The following EFCAB6 variants were observed in gnomAD, a reference collection of about 807,000 sequenced individuals.
The protein encoded by EFCAB6 is EF-hand calcium binding domain 6, also known as EF-hand calcium-binding domain-containing protein 6.
EFCAB6 carries 156 observed loss-of-function variants against 169.8 expected under a neutral mutation model. The ratio of observed to expected loss-of-function variants is 0.92; its 90% confidence interval spans 0.81 to 1.05. EFCAB6 has a LOEUF of 1.05. Among genes scored for constraint, EFCAB6 ranks in the 50% least tolerant of loss-of-function variants. EFCAB6 has a pLI of 0.00. For missense variants in EFCAB6, 1,800 were observed against 1,829.1 expected (o/e 0.98, Z 0.29); for synonymous variants, 698 against 676.4 (o/e 1.03, Z -0.50).
At chr22:43,644,311 A>G (rs1482861439) in intron 17 of EFCAB6, among the ~76,000 whole-genome samples, 2 of 152,108 alleles carry the variant, frequency 1.3e-5, no homozygotes, top group Non-Finnish European at 2.9e-5. Context: ...CACGCCATCC[A>G]CTGAGGGGTT....
intron 18 of EFCAB6, among the ~76,000 whole-genome samples, chr22:43,633,374 C>A (rs1377350068): frequency 6.6e-5 from 10 of 152,132 alleles, no homozygotes; most frequent in Admixed American, 2.0e-4. Flanking sequence ...ATGGTGAAAC[C>A]CCATCTCTAC....
At chr22:43,605,679 T>G (rs552806306) in intron 22 of EFCAB6, among the ~76,000 whole-genome samples, 77 of 152,058 alleles carry the variant, frequency 5.1e-4, no homozygotes, top group Non-Finnish European at 9.0e-4. Context: ...TGGAAAGAGT[T>G]CTGGAGCTGG....
chr22:43,563,113 A>G (rs920109380), intron 26 of EFCAB6, among the ~76,000 whole-genome samples: 1 of 152,070 alleles, frequency 6.6e-6, no homozygotes, highest in Admixed American at 6.5e-5. Flanking sequence ...AGGCAGCACC[A>G]GTAACCAAGC....
chr22:43,683,421 G>C (rs2058077282), intron 12 of EFCAB6, among the ~76,000 whole-genome samples: 2 of 152,114 alleles, frequency 1.3e-5, no homozygotes, highest in African/African-American at 2.4e-5. Flanking sequence ...ACCAGGTCTG[G>C]GTTGTTTGTT....
chr22:43,553,951 G>A lies in EFCAB6; in HGVS notation c.3648+918C>T, dbSNP rs374514562. 7.5e-4 allele frequency: 115 copies of A among 152,844 alleles called. 1 individual carries two copies. In the South Asian group the frequency reaches 0.022, roughly 29 times the overall value. 9.5% of individuals were successfully genotyped at this position (152,844 alleles called of 1,614,324 possible). ...TGGAGAGGCCCACCAGGGGTGGCATGTACCCAGCATGCTTAGAGCAGCAGC... is the reference window on the plus strand; with the variant it reads ...TGGAGAGGCCCACCAGGGGTGGCATATACCCAGCATGCTTAGAGCAGCAGC... On this transcript the variant is annotated intron_variant, in intron 27 of 31. Coordinates refer to ENST00000262726, the MANE Select transcript of EFCAB6 (RefSeq NM_022785.4).
At chr22:43,616,258 T>G (rs1009455273) in intron 20 of EFCAB6, among the ~76,000 whole-genome samples, 1 of 152,206 alleles carries the variant, frequency 6.6e-6, no homozygotes, top group Non-Finnish European at 1.5e-5. Context: ...GCTAAAAACT[T>G]TTATTTCTGA....
At chr22:43,650,274 A>G (rs927494634) in intron 17 of EFCAB6, among the ~76,000 whole-genome samples, 2 of 152,098 alleles carry the variant, frequency 1.3e-5, no homozygotes, top group African/African-American at 4.8e-5. Context: ...GAATCATGGG[A>G]GGAAGTCTTT....
chr22:43,530,479 C>G, intron 31 of EFCAB6: 1 of 978,096 alleles, frequency 1.0e-6, no homozygotes, highest in Non-Finnish European at 1.2e-6. Flanking sequence ...TGCAGGAGAG[C>G]CCAGGTGTGG....
At chr22:43,673,557 C>G (rs2057587542) in intron 13 of EFCAB6, among the ~76,000 whole-genome samples, 1 of 152,166 alleles carries the variant, frequency 6.6e-6, no homozygotes, top group African/African-American at 2.4e-5. Context: ...GGGCGGAACA[C>G]CTGAGGTCAG....
chr22:43,627,324 T>G (rs1328853957), intron 19 of EFCAB6, among the ~76,000 whole-genome samples: 1 of 152,186 alleles, frequency 6.6e-6, no homozygotes, highest in Non-Finnish European at 1.5e-5. Flanking sequence ...TGATGGAGCG[T>G]GCACTCTGCA....
chr22:43,761,960 G>GT, intron 5 of EFCAB6, among the ~76,000 whole-genome samples: 1 of 152,264 alleles, frequency 6.6e-6, no homozygotes, highest in South Asian at 2.1e-4. Flanking sequence ...CTCTTCATAT[G>GT]TTTTTTAAGA....
intron 30 of EFCAB6, among the ~76,000 whole-genome samples, chr22:43,531,394 A>G (rs1371755670): frequency 6.6e-6 from 1 of 152,232 alleles, no homozygotes; most frequent in Non-Finnish European, 1.5e-5. Context: ...GAGGAAAAAA[A>G]GAGATTTCAG....
At chr22:43,799,155 C>T (rs986991879) in intron 2 of EFCAB6, among the ~76,000 whole-genome samples, 1 of 150,318 alleles carries the variant, frequency 6.7e-6, no homozygotes, top group Admixed American at 6.6e-5. Flanking sequence ...AGTGAGACCT[C>T]GTCTTTACAA....
At chr22:43,653,523 G>A (rs912355682) in intron 17 of EFCAB6, among the ~76,000 whole-genome samples, 5 of 152,106 alleles carry the variant, frequency 3.3e-5, no homozygotes, top group African/African-American at 1.2e-4. Flanking sequence ...AAACAGCTTG[G>A]AAGTCATCAT....
Position 43,530,911 on chromosome 22 carries a change from C to T in EFCAB6, c.4287G>A (p.Gln1429=). The T allele has an allele frequency of 6.2e-7, 1 of 1,614,232 alleles. No individual in the cohort carries two copies. Among genetic ancestry groups the T allele is most frequent in the Non-Finnish European group, 8.5e-7 (1 of 1,180,056 alleles). Residue 1429 remains glutamine (Q), a synonymous_variant, in exon 31 of 32, where the codon CAG becomes CAA. Transcript: ENST00000262726. ...PSFYSALLRI[Q]PKIVHCWRPM... The stretch of plus-strand genomic sequence containing the variant: ...GCCTCCAGCAGTGCACAATTTTGGG[C>T]TGAATACGCAGCAGAGCAGAGTAAA...
At chr22:43,637,745 C>T (rs1195512887) in intron 17 of EFCAB6, among the ~76,000 whole-genome samples, 1 of 152,332 alleles carries the variant, frequency 6.6e-6, no homozygotes, top group Admixed American at 6.5e-5. Context: ...CCCAGCTCTG[C>T]AGAGGAGCCT....
intron 10 of EFCAB6, among the ~76,000 whole-genome samples, chr22:43,695,422 C>T (rs2058541696): frequency 6.6e-6 from 1 of 151,892 alleles, no homozygotes; most frequent in South Asian, 2.1e-4. Context: ...AATGGCAATA[C>T]TTTTTAATGT....
chr22:43,615,797 T>C, intron 21 of EFCAB6, 29 bp downstream of exon 21: 1 of 1,579,556 alleles, frequency 6.3e-7, no homozygotes, highest in Non-Finnish European at 8.7e-7. Context: ...AGATTTTCTT[T>C]CCTTTTAAGG....
At chr22:43,610,185 T>C (rs1159770095) in intron 21 of EFCAB6, among the ~76,000 whole-genome samples, 1 of 152,202 alleles carries the variant, frequency 6.6e-6, no homozygotes, top group Non-Finnish European at 1.5e-5. Flanking sequence ...TAAAAAGAAC[T>C]TATATTTATC....
Sources: allele counts gnomAD v4.1 joint callset (sites outside exome capture counted in the v4.1 genomes callset), GRCh38; gene constraint gnomAD v4.1.1; transcripts MANE v1.5; gene names NCBI Gene and HGNC (gene_info 2026-07-23, HGNC 2026-07-21).